RAF1: variants seen among roughly 807,000 people sequenced by gnomAD.
The protein encoded by RAF1 is RAF proto-oncogene serine/threonine-protein kinase.
In RAF1, 27 loss-of-function variants were observed where a neutral mutation model predicts 81.1. The ratio of observed to expected loss-of-function variants is 0.33; its 90% CI spans 0.25 to 0.46. The LOEUF is 0.46. Ranked by LOEUF, RAF1 falls within the 20% of genes least tolerant of loss-of-function variation. The pLI, the probability that RAF1 is intolerant of heterozygous loss-of-function variation, is 1.00. For missense variants in RAF1, 598 were observed against 826.0 expected, an observed-to-expected ratio of 0.72 and a Z score of 3.38; for synonymous variants, 298 against 294.0, an observed-to-expected ratio of 1.01 and a Z score of -0.14.
At chr3:12,634,657 T>C (rs2059965479) in intron 1 of RAF1, among the ~76,000 whole-genome samples, 1 of 152,060 alleles carries the variant, frequency 6.6e-6, no homozygotes, top group Admixed American at 6.6e-5. Flanking sequence ...ATCATCTACA[T>C]AATGGCCTTT....
intron 12 of RAF1, 133 bp from the exon 12 acceptor site, chr3:12,591,107 A>T (rs549283640): frequency 1.2e-6 from 1 of 801,662 alleles, no homozygotes; most frequent in East Asian, 2.6e-5. Flanking sequence ...AGTCCCAAAA[A>T]CAAACACATG....
chr3:12,639,065 T>A (rs1160908274), intron 1 of RAF1, among the ~76,000 whole-genome samples: 1 of 148,328 alleles, frequency 6.7e-6, no homozygotes, highest in Non-Finnish European at 1.5e-5. Flanking sequence ...CATCCTGGGA[T>A]GCAAGGCTGG....
intron 1 of RAF1, among the ~76,000 whole-genome samples, chr3:12,625,446 G>A (rs1467896128): frequency 1.3e-5 from 2 of 152,198 alleles, no homozygotes; most frequent in African/African-American, 2.4e-5. Flanking sequence ...TACTCTCACA[G>A]TGAAGAGTAT....
At chr3:12,624,702 T>C (rs952216635) in intron 1 of RAF1, among the ~76,000 whole-genome samples, 3 of 151,988 alleles carry the variant, frequency 2.0e-5, no homozygotes, top group African/African-American at 7.2e-5. Flanking sequence ...ATCAATCATT[T>C]AAAAAGAGAG....
intron 2 of RAF1, among the ~76,000 whole-genome samples, chr3:12,612,637 G>A (rs549157594): frequency 2.9e-4 from 40 of 135,894 alleles, no homozygotes; most frequent in Admixed American, 1.4e-3. Flanking sequence ...TGACAAGAAC[G>A]AGACTCCGTC....
At chr3:12,661,072 G>GTT (rs1000767349) in intron 1 of RAF1, among the ~76,000 whole-genome samples, 10 of 152,184 alleles carry the variant, frequency 6.6e-5, no homozygotes, top group African/African-American at 2.4e-4. Flanking sequence ...TAGCCCTTGA[G>GTT]TGATAAGGGT....
intron 1 of RAF1, among the ~76,000 whole-genome samples, chr3:12,625,178 G>T (rs2059667402): frequency 6.6e-6 from 1 of 151,828 alleles, no homozygotes; most frequent in African/African-American, 2.4e-5. Flanking sequence ...CCACCTTCTG[G>T]GTTCAAGTGA....
At chr3:12,630,445 C>T (rs2059828104) in intron 1 of RAF1, among the ~76,000 whole-genome samples, 3 of 152,114 alleles carry the variant, frequency 2.0e-5, no homozygotes, top group South Asian at 2.1e-4. Context: ...GAGGCATTCA[C>T]AGTAAATTCC....
chr3:12,597,769 GC>G (rs2058730382), intron 11 of RAF1, among the ~76,000 whole-genome samples: 1 of 151,732 alleles, frequency 6.6e-6, no homozygotes, highest in African/African-American at 2.4e-5. Context: ...ACAAAAATTA[GC>G]CGGGTGTGGT....
In RAF1 at chr3:12,604,115, AC is replaced by A. The variant is rs1351770348; in HGVS notation, c.834+20del. Reference sequence around the variant, plus strand: ...ACCCCATTAATTGACTGACATTACCACCCCCAAGGTGCCCTATTACCTCAAT... The same window carrying A: ...ACCCCATTAATTGACTGACATTACCACCCCAAGGTGCCCTATTACCTCAAT... On this transcript the variant is annotated intron_variant, in intron 7 of 17. Transcript: ENST00000442415. 6.2e-7 allele frequency: 1 copy of A among 1,613,516 alleles called. No homozygotes were observed. The highest frequency in any genetic ancestry group is 1.7e-5 in the Admixed American group (1 of 59,976).
intron 7 of RAF1, 54 bp downstream of exon 7, chr3:12,604,082 T>C (rs1313829389): frequency 6.2e-7 from 1 of 1,602,264 alleles, no homozygotes; most frequent in East Asian, 2.2e-5. Context: ...GAAATAAGTA[T>C]CAACCTCACC....
intron 1 of RAF1, among the ~76,000 whole-genome samples, chr3:12,629,780 TTTTA>T (rs2059809927): frequency 2.0e-5 from 3 of 152,264 alleles, no homozygotes; most frequent in African/African-American, 4.8e-5. Flanking sequence ...CTAATTATAC[TTTTA>T]TTTGTTTATT....
At chr3:12,647,212 C>T (rs1210572577) in intron 1 of RAF1, among the ~76,000 whole-genome samples, 4 of 150,984 alleles carry the variant, frequency 2.6e-5, no homozygotes, top group Non-Finnish European at 4.4e-5. Flanking sequence ...AGGAGAATGG[C>T]GGGAACCCAG....
At chr3:12,629,064 T>C (rs1189208116) in intron 1 of RAF1, among the ~76,000 whole-genome samples, 2 of 152,172 alleles carry the variant, frequency 1.3e-5, no homozygotes, top group Admixed American at 6.6e-5. Flanking sequence ...TTTTTAAATA[T>C]CATGACAGTT....
At chr3:12,660,609 T>C (rs756432432) in intron 1 of RAF1, among the ~76,000 whole-genome samples, 1 of 150,280 alleles carries the variant, frequency 6.7e-6, no homozygotes, top group Non-Finnish European at 1.5e-5. Flanking sequence ...CCACCACAAC[T>C]GGCTGATGTT....
chr3:12,583,911 A>G lies in RAF1; in HGVS notation c.*603T>C, dbSNP rs2058226411. 4.3e-6 allele frequency: 1 copy of G among 235,120 alleles called. No homozygotes were observed. Among genetic ancestry groups the G allele is most frequent in the Admixed American group, 5.5e-5 (1 of 18,110 alleles). 14.6% of individuals were successfully genotyped at this position (235,120 alleles called of 1,614,324 possible). A position where few individuals can be genotyped will look rare whatever the true frequency, so the allele number is the denominator to read the frequency against. ...CGGATTGGCCGAGTGCCTTGCCTGGAAAACCATCCCAATGCACTGGACACC... is the reference window on the plus strand; with the variant it reads ...CGGATTGGCCGAGTGCCTTGCCTGGGAAACCATCCCAATGCACTGGACACC... On this transcript the variant is annotated 3_prime_UTR_variant, in exon 18 of 18. Transcript: ENST00000442415.
rs770431112 is a variant in RAF1 at position 12,591,809 on chromosome 3, C to T, written c.1169-17G>A. 1 of 1,583,442 alleles carries T rather than the reference C, an allele frequency of 6.3e-7. No individual in the cohort carries two copies. The highest frequency in any genetic ancestry group is 8.7e-7 in the Non-Finnish European group (1 of 1,151,948). ...CAACATCTCCTGCAAAATTAGTTGG[C>T]AGTCAGTGCAATCAGTTGAATGATC... On this transcript the variant is annotated splice_polypyrimidine_tract_variant and intron_variant, in intron 11 of 17. Transcript: ENST00000442415.
rs2125453485 is a variant in RAF1 at position 12,618,657 on chromosome 3, A to C, written c.65T>G (p.Phe22Cys). ...AGGAGAGATGCAGCTGGAGCCATCA[A>C]ACACGGCATCTTTGAATCCAAAACC... Residue 22 changes from phenylalanine to cysteine, a missense_variant, in exon 2 of 18, where the codon TTT becomes TGT. By Grantham distance (205) the Phe-to-Cys change is radical (BLOSUM62 -2). Around this residue, in one of 5 missense-constraint regions of RAF1, gnomAD observed 83 missense variants for 72.3 expected, o/e 1.15. Transcript: ENST00000442415. 6.2e-7 allele frequency: 1 copy of C among 1,614,118 alleles called. No individual in the cohort carries two copies. The highest frequency in any genetic ancestry group is 8.5e-7 in the Non-Finnish European group (1 of 1,180,056).
At chr3:12,651,600 G>A (rs911904772) in intron 1 of RAF1, among the ~76,000 whole-genome samples, 3 of 151,076 alleles carry the variant, frequency 2.0e-5, no homozygotes, top group African/African-American at 7.3e-5. Context: ...GTTGCCGTGA[G>A]CCGAGATCGC....
Sources: allele counts gnomAD v4.1 joint callset (sites outside exome capture counted in the v4.1 genomes callset), GRCh38; gene constraint gnomAD v4.1.1; regional missense constraint gnomAD v4.1.1; transcripts MANE v1.5; gene names NCBI Gene and HGNC (gene_info 2026-07-23, HGNC 2026-07-21).